PTPRM: variants seen among roughly 807,000 people sequenced by gnomAD.
The protein encoded by PTPRM is receptor-type tyrosine-protein phosphatase mu.
A neutral mutation model predicts 186.7 loss-of-function variants in PTPRM; 47 were observed. The ratio of observed to expected loss-of-function variants is 0.25; its 90% CI spans 0.20 to 0.32. The LOEUF (loss-of-function observed/expected upper bound fraction) is 0.32. Among genes scored for constraint, PTPRM ranks in the 10% least tolerant of loss-of-function variants. PTPRM has a pLI of 1.00. For synonymous variants in PTPRM, 668 were observed against 674.9 expected, an observed-to-expected ratio of 0.99 and a Z score of 0.16; for missense variants, 1,494 against 1,865.0, an observed-to-expected ratio of 0.80 and a Z score of 3.66.
At chr18:7,958,207 C>CAAA (rs534178363) in intron 7 of PTPRM, among the ~76,000 whole-genome samples, 9,847 of 115,080 alleles carry the variant, frequency 0.086, 545 homozygotes, top group Non-Finnish European at 0.13. Flanking sequence ...CCATCCCCTG[C>CAAA]AAAAAAAAAA....
At chr18:7,808,575 G>A (rs183594932) in intron 2 of PTPRM, among the ~76,000 whole-genome samples, 3 of 152,300 alleles carry the variant, frequency 2.0e-5, no homozygotes, top group Non-Finnish European at 4.4e-5. Context: ...CTGGATTCAA[G>A]TCATAGGAAA....
At chr18:7,852,909 A>G (rs1418895536) in intron 2 of PTPRM, among the ~76,000 whole-genome samples, 1 of 152,168 alleles carries the variant, frequency 6.6e-6, no homozygotes, top group Non-Finnish European at 1.5e-5. Context: ...ACATAGCCTA[A>G]ACAAAAGAAA....
At chr18:7,871,886 A>G (rs903765569) in intron 2 of PTPRM, among the ~76,000 whole-genome samples, 5 of 152,252 alleles carry the variant, frequency 3.3e-5, no homozygotes, top group African/African-American at 1.2e-4. Flanking sequence ...TGATTACTCA[A>G]TACATATACA....
chr18:7,889,307 G>T (rs1367584749), intron 3 of PTPRM, among the ~76,000 whole-genome samples: 1 of 148,508 alleles, frequency 6.7e-6, no homozygotes, highest in Non-Finnish European at 1.5e-5. Context: ...TATGTACGGG[G>T]TTTGCAAATA....
chr18:7,879,328 G>A (rs544924078), intron 2 of PTPRM, among the ~76,000 whole-genome samples: 4 of 152,188 alleles, frequency 2.6e-5, no homozygotes, highest in Non-Finnish European at 5.9e-5. Context: ...TGTTACTTAT[G>A]TAACTGTTGG....
At chr18:7,660,388 G>A (rs905572761) in intron 1 of PTPRM, among the ~76,000 whole-genome samples, 1 of 151,970 alleles carries the variant, frequency 6.6e-6, no homozygotes, top group East Asian at 1.9e-4. Context: ...GGGTTTGGTC[G>A]ATTTATGCTT....
intron 14 of PTPRM, among the ~76,000 whole-genome samples, chr18:8,217,438 A>T (rs573376827): frequency 6.6e-6 from 1 of 152,300 alleles, no homozygotes; most frequent in South Asian, 2.1e-4. Flanking sequence ...CTTTCTAAAG[A>T]CATCAAATTC....
intron 22 of PTPRM, among the ~76,000 whole-genome samples, chr18:8,330,450 C>G (rs1444281211): frequency 1.3e-5 from 2 of 152,104 alleles, no homozygotes; most frequent in Non-Finnish European, 1.5e-5. Context: ...GATTTATTCT[C>G]TTTTTTCTTA....
At chr18:8,040,484 C>G (rs1452029426) in intron 7 of PTPRM, among the ~76,000 whole-genome samples, 1 of 151,976 alleles carries the variant, frequency 6.6e-6, no homozygotes, top group Non-Finnish European at 1.5e-5. Context: ...TCATTGAAAG[C>G]GGTAAGATTT....
At chr18:8,313,704 C>G (rs1162542095) in intron 20 of PTPRM, among the ~76,000 whole-genome samples, 1 of 152,010 alleles carries the variant, frequency 6.6e-6, no homozygotes, top group Non-Finnish European at 1.5e-5. Context: ...AGGCAGTGTA[C>G]ACGGTACCCA....
intron 14 of PTPRM, among the ~76,000 whole-genome samples, chr18:8,191,861 G>A (rs1442987479): frequency 1.3e-5 from 2 of 152,116 alleles, no homozygotes; most frequent in Admixed American, 6.5e-5. Context: ...TATATAGATG[G>A]AAGCAGATGA....
At chr18:8,315,769 G>A (rs1377332435) in intron 21 of PTPRM, among the ~76,000 whole-genome samples, 1 of 152,140 alleles carries the variant, frequency 6.6e-6, no homozygotes, top group Non-Finnish European at 1.5e-5. Context: ...CTCTAAGAAA[G>A]TTATCTAAAA....
At chr18:8,365,481 A>G in intron 23 of PTPRM, among the ~76,000 whole-genome samples, 1 of 152,238 alleles carries the variant, frequency 6.6e-6, no homozygotes, top group Admixed American at 6.5e-5. Flanking sequence ...AGTTGCAATG[A>G]TCTTGAAAAT....
chr18:8,021,737 C>G (rs2085249329), intron 7 of PTPRM, among the ~76,000 whole-genome samples: 1 of 151,908 alleles, frequency 6.6e-6, no homozygotes, highest in Non-Finnish European at 1.5e-5. Context: ...GTATTTGTAC[C>G]ACATTTTCTT....
At chr18:7,793,247 C>T (rs2043435102) in intron 2 of PTPRM, among the ~76,000 whole-genome samples, 1 of 152,196 alleles carries the variant, frequency 6.6e-6, no homozygotes, top group South Asian at 2.1e-4. Context: ...GACTTCACCT[C>T]CTCACTACGT....
chr18:8,228,768 G>A (rs567835089), intron 14 of PTPRM, among the ~76,000 whole-genome samples: 3 of 151,910 alleles, frequency 2.0e-5, no homozygotes, highest in East Asian at 1.9e-4. Context: ...CAGGAGAATC[G>A]CTTGAACCTG....
At chr18:8,028,360 G>T (rs1229045660) in intron 7 of PTPRM, among the ~76,000 whole-genome samples, 2 of 152,068 alleles carry the variant, frequency 1.3e-5, no homozygotes, top group African/African-American at 4.8e-5. Flanking sequence ...TCATTCTTAG[G>T]TATGTAGATC....
At chr18:8,286,298 T>A (rs1022540151) in intron 19 of PTPRM, among the ~76,000 whole-genome samples, 3 of 152,190 alleles carry the variant, frequency 2.0e-5, no homozygotes, top group African/African-American at 7.2e-5. Context: ...ACTACGACAT[T>A]CACCCAAGAC....
intron 19 of PTPRM, among the ~76,000 whole-genome samples, chr18:8,279,043 G>T (rs953262451): frequency 6.6e-6 from 1 of 151,758 alleles, no homozygotes; most frequent in Non-Finnish European, 1.5e-5. Flanking sequence ...AAAGCTGCAC[G>T]TTGCGCACAT....
Sources: gnomAD v4.1 joint callset for allele counts (sites outside exome capture counted in the v4.1 genomes callset) on GRCh38, gnomAD v4.1.1 for gene constraint, MANE v1.5 for transcripts, NCBI Gene and HGNC (gene_info 2026-07-23, HGNC 2026-07-21) for gene names.